Variants in ZNF41 observed in about 807,000 individuals in gnomAD.
The protein encoded by ZNF41 is zinc finger protein 41.
ZNF41 carries 6 observed loss-of-function variants against 9.3 expected under a neutral mutation model. That is an observed-to-expected ratio of 0.65 (90% CI 0.35 to 1.28). The LOEUF (loss-of-function observed/expected upper bound fraction) is 1.28, where lower values mean the gene tolerates loss of function less well. ZNF41 is among the 50% of genes most tolerant of loss of function. The pLI is 0.03. For missense variants in ZNF41, 523 were observed against 585.8 expected (o/e 0.89, Z 1.11); for synonymous variants, 192 against 207.1 (o/e 0.93, Z 0.63).
At chrX:47,452,239 T>A (rs1169321369) in intron 4 of ZNF41, among the ~76,000 whole-genome samples, 1 of 111,080 alleles carries the variant, frequency 9.0e-6, no homozygotes, top group African/African-American at 3.3e-5. Flanking sequence ...TCCTGCAGTG[T>A]GGGTGACTTC....
rs73204101 is a variant in ZNF41 at position 47,474,729 on chromosome X, G to A, written c.-279-6969C>T. Among the ~76,000 whole-genome samples the A allele has an allele frequency of 4.0e-3, 434 of 107,654 alleles. 5 individuals carry two copies. The highest frequency in any genetic ancestry group is 5.1e-3 in the Admixed American group (50 of 9,857). The allele number at this position is 107,654 out of a possible 115,157, so 93.5% of individuals were successfully genotyped here. Reference sequence around the variant, plus strand: ...CCCATCTCTACAAAAAATTTAGAAAGTAGCCAGGCATGGTGGCATGCGCCT... The same window carrying A: ...CCCATCTCTACAAAAAATTTAGAAAATAGCCAGGCATGGTGGCATGCGCCT... On this transcript the variant is annotated intron_variant, in intron 1 of 4. Coordinates refer to ENST00000684689, the MANE Select transcript of ZNF41 (RefSeq NM_001324144.2).
At chrX:47,456,220 G>T (rs1243855988) in intron 3 of ZNF41, 52 bp downstream of exon 3, 2 of 1,203,609 alleles carry the variant, frequency 1.7e-6, no homozygotes, top group Non-Finnish European at 2.3e-6. Context: ...GCACTCAGCA[G>T]CCAAGAATGG....
chrX:47,454,072 A>G (rs1314849213), intron 4 of ZNF41, among the ~76,000 whole-genome samples: 2 of 111,374 alleles, frequency 1.8e-5, no homozygotes, highest in South Asian at 7.6e-4. Context: ...ACTCTGTCTC[A>G]AAAAACAAAA....
In ZNF41 at chrX:47,448,265, T is replaced by A; in HGVS notation, c.1505A>T (p.Lys502Met). The part of the protein sequence containing the change: ...EKPYICTECG[K>M]VFTHRTNLTT... ...GAGGTTTGTCCTGTGAGTGAAGACC[T>A]TTCCACATTCTGTACATATATAGGG... Residue 502 changes from lysine to methionine, a missense_variant, in exon 5 of 5, where the codon AAG becomes ATG. Physicochemically the swap from Lys to Met is moderately conservative, Grantham distance 95. Coordinates refer to ENST00000684689, the MANE Select transcript of ZNF41 (RefSeq NM_001324144.2). The A allele has an allele frequency of 8.3e-7, 1 of 1,211,723 alleles. No individual in the cohort carries two copies. Among genetic ancestry groups the A allele is most frequent in the Non-Finnish European group, 1.1e-6 (1 of 895,479 alleles).
chrX:47,479,077 T>C (rs2057410462), intron 1 of ZNF41, among the ~76,000 whole-genome samples: 1 of 111,553 alleles, frequency 9.0e-6, no homozygotes, highest in Non-Finnish European at 1.9e-5. Context: ...TGAGGAATGA[T>C]TGCTAATGGG....
intron 1 of ZNF41, among the ~76,000 whole-genome samples, chrX:47,471,986 G>A (rs1207693714): frequency 1.8e-5 from 2 of 111,627 alleles, no homozygotes; most frequent in Non-Finnish European, 3.8e-5. Context: ...TGAAAAAGAT[G>A]GGAAATAAAC....
intron 2 of ZNF41, among the ~76,000 whole-genome samples, chrX:47,464,713 G>C (rs2056926264): frequency 9.0e-6 from 1 of 111,328 alleles, no homozygotes; most frequent in Non-Finnish European, 1.9e-5. Flanking sequence ...GTGCAGGAGT[G>C]GGGAGGACCA....
chrX:47,454,531 A>G (rs1240365776), intron 4 of ZNF41, among the ~76,000 whole-genome samples: 1 of 111,708 alleles, frequency 9.0e-6, no homozygotes, highest in Non-Finnish European at 1.9e-5. Flanking sequence ...TTAGGTGCAA[A>G]TCCTCTCTTC....
At chrX:47,480,291 G>A (rs1672815448) in intron 1 of ZNF41, among the ~76,000 whole-genome samples, 1 of 111,240 alleles carries the variant, frequency 9.0e-6, no homozygotes, top group South Asian at 3.7e-4. Context: ...GGGAACTTAT[G>A]TGACAAAAGT....
At position 47,483,109 on chromosome X, in the gene ZNF41, G is replaced by A. The variant is rs1364297861; in HGVS notation, c.-294C>T. ...CTGGAGCCCACCTGGCGGCCCCACT[G>A]GCTACATTTCCGACCTGGACCCCGG... On this transcript the variant is annotated 5_prime_UTR_variant, in exon 1 of 5. Transcript: ENST00000684689. Among the ~76,000 whole-genome samples, 1 of 112,565 alleles carries A rather than the reference G, an allele frequency of 8.9e-6. No homozygotes were observed. The highest frequency in any genetic ancestry group is 1.9e-5 in the Non-Finnish European group (1 of 53,167).
chrX:47,453,279 C>T (rs1286107481), intron 4 of ZNF41, among the ~76,000 whole-genome samples: 1 of 111,275 alleles, frequency 9.0e-6, no homozygotes, highest in Non-Finnish European at 1.9e-5. Context: ...GAGGTAAAAG[C>T]CTCAGTTACC....
At chrX:47,451,363 C>T (rs1397488587) in intron 4 of ZNF41, among the ~76,000 whole-genome samples, 3 of 112,499 alleles carry the variant, frequency 2.7e-5, no homozygotes, top group Non-Finnish European at 5.6e-5. Flanking sequence ...TGTTTTGCCT[C>T]TCAGTTCCAA....
In ZNF41 at chrX:47,456,345, C is replaced by T; in HGVS notation, c.126G>A (p.Gln42=). 8.3e-7 allele frequency: 1 copy of T among 1,211,586 alleles called. No homozygotes were observed. The highest frequency in any genetic ancestry group is 1.1e-6 in the Non-Finnish European group (1 of 895,459). The change falls in exon 3 of 5, where the codon CAG becomes CAA. Residue 42 remains glutamine (Q), a synonymous_variant. Transcript: ENST00000684689. Reference sequence around the variant, plus strand: ...GGCGTCTCTGGGCAGGGTCCAAGTGCTGCCACTCCTCCTTGCTGAAGTCCA... The same window carrying T: ...GGCGTCTCTGGGCAGGGTCCAAGTGTTGCCACTCCTCCTTGCTGAAGTCCA... ...VTVDFSKEEW[Q]HLDPAQRRLY... is the part of the protein sequence containing the mutation.
intron 2 of ZNF41, among the ~76,000 whole-genome samples, chrX:47,464,960 A>T (rs780822148): frequency 9.1e-6 from 1 of 110,487 alleles, no homozygotes; most frequent in Non-Finnish European, 1.9e-5. Flanking sequence ...ATCTCGGCTC[A>T]CTGTAGCCTC....
At chrX:47,481,637 G>C (rs1355752199) in intron 1 of ZNF41, among the ~76,000 whole-genome samples, 1 of 111,866 alleles carries the variant, frequency 8.9e-6, no homozygotes, top group Non-Finnish European at 1.9e-5. Context: ...GACAGAGTGA[G>C]ACCCTGTCTC....
At chrX:47,456,981 G>T (rs2056587079) in intron 2 of ZNF41, among the ~76,000 whole-genome samples, 1 of 111,933 alleles carries the variant, frequency 8.9e-6, no homozygotes, top group South Asian at 3.7e-4. Context: ...TATTGAGAAG[G>T]TGACTATGAG....
At position 47,447,984 on chromosome X, in the gene ZNF41, C is replaced by A; in HGVS notation, c.1786G>T (p.Val596Leu). The A allele has an allele frequency of 1.7e-6, 2 of 1,209,725 alleles. No individual in the cohort carries two copies. The highest frequency in any genetic ancestry group is 1.1e-6 in the Non-Finnish European group (1 of 894,843). The change falls in exon 5 of 5, where the codon GTG (valine) becomes TTG (leucine). Residue 596 changes from valine (V) to leucine (L), a missense_variant. Coordinates refer to ENST00000684689, the MANE Select transcript of ZNF41 (RefSeq NM_001324144.2). ...KAFIQKSTLS[V>L]HQRIHTGEKP... ...TCTCCTGTATGGATTCTCTGATGCA[C>A]GCTTAGTGTTGATTTCTGGATGAAG...
At chrX:47,456,914 T>C (rs545847892) in intron 2 of ZNF41, among the ~76,000 whole-genome samples, 2 of 111,281 alleles carry the variant, frequency 1.8e-5, no homozygotes, top group South Asian at 7.5e-4. Flanking sequence ...GAAAAATACA[T>C]GGTGGATTCT....
In ZNF41 at chrX:47,448,697, C is replaced by T; in HGVS notation, c.1073G>A (p.Ser358Asn). 1 of 1,211,736 alleles carries T rather than the reference C, an allele frequency of 8.3e-7. No individual in the cohort carries two copies. Among genetic ancestry groups the T allele is most frequent in the South Asian group, 1.8e-5 (1 of 57,009 alleles). Residue 358 changes from serine to asparagine, a missense_variant, in exon 5 of 5, where the codon AGT (serine) becomes AAT (asparagine). Transcript: ENST00000684689. ...IHTGQKPYKCSECGKAFFQRS... is the reference protein window; with the variant it reads ...IHTGQKPYKCNECGKAFFQRS... Reference sequence around the variant, plus strand: ...CTGGAAAAAGGCTTTTCCACATTCACTGCATTTGTAGGGTTTCTGCCCGGT... The same window carrying T: ...CTGGAAAAAGGCTTTTCCACATTCATTGCATTTGTAGGGTTTCTGCCCGGT...
Sources: allele counts gnomAD v4.1 joint callset (sites outside exome capture counted in the v4.1 genomes callset), GRCh38; gene constraint gnomAD v4.1.1; transcripts MANE v1.5; gene names NCBI Gene and HGNC (gene_info 2026-07-23, HGNC 2026-07-21).